The following CDH12 variants were observed in gnomAD, a reference collection of about 807,000 sequenced individuals.
CDH12 encodes cadherin 12.
A neutral mutation model predicts 74.1 loss-of-function variants in CDH12; 41 were observed. That is an observed-to-expected ratio of 0.55 (90% CI 0.43 to 0.72). The LOEUF (loss-of-function observed/expected upper bound fraction) is 0.72. CDH12 is among the 30% of genes least tolerant of loss of function. CDH12 has a pLI of 0.00. For missense variants in CDH12, 945 were observed against 977.2 expected (o/e 0.97, Z 0.44); for synonymous variants, 399 against 355.0 (o/e 1.12, Z -1.39).
At chr5:22,510,883 G>C (rs546998868) in intron 1 of CDH12, among the ~76,000 whole-genome samples, 32 of 150,998 alleles carry the variant, frequency 2.1e-4, no homozygotes, top group African/African-American at 7.8e-4. Flanking sequence ...TAAAAGTCAA[G>C]AACATATATA....
chr5:22,244,202 A>T (rs867455462), intron 3 of CDH12, among the ~76,000 whole-genome samples: 2 of 152,128 alleles, frequency 1.3e-5, no homozygotes, highest in South Asian at 4.1e-4. Context: ...AAAATAATCT[A>T]TAGCAGGCCA....
intron 3 of CDH12, among the ~76,000 whole-genome samples, chr5:22,225,765 C>A (rs1454701847): frequency 6.6e-6 from 1 of 151,992 alleles, no homozygotes; most frequent in Non-Finnish European, 1.5e-5. Context: ...AAAAGTTGGG[C>A]CTTTTTCTCT....
chr5:22,134,871 TGTCAGA>T (rs1186552794), intron 4 of CDH12, among the ~76,000 whole-genome samples: 1 of 151,406 alleles, frequency 6.6e-6, no homozygotes, highest in Non-Finnish European at 1.5e-5. Context: ...GCAAGTTGGC[TGTCAGA>T]GTCAAACCTC....
intron 3 of CDH12, among the ~76,000 whole-genome samples, chr5:22,235,862 T>C (rs1752541888): frequency 6.6e-6 from 1 of 152,194 alleles, no homozygotes; most frequent in Admixed American, 6.5e-5. Flanking sequence ...AACATCACAG[T>C]GTGCACCACA....
At chr5:22,811,062 C>T (rs980289876) in intron 1 of CDH12, among the ~76,000 whole-genome samples, 2 of 151,034 alleles carry the variant, frequency 1.3e-5, no homozygotes, top group African/African-American at 2.4e-5. Flanking sequence ...CACATATATA[C>T]GTATATGTAT....
In CDH12 at chr5:21,764,964, T is replaced by A; in HGVS notation, c.1515+14A>T. On this transcript the variant is annotated intron_variant, in intron 12 of 14. Transcript: ENST00000382254. ...GGGTCTTTATACACTCAAGGAACAA[T>A]ATTTATAAGATACCTGTCCTGGCTT... is the stretch of plus-strand genomic sequence containing the variant. The A allele has an allele frequency of 7.4e-6, 12 of 1,613,470 alleles. No homozygotes were observed. Among genetic ancestry groups the A allele is most frequent in the Non-Finnish European group, 1.0e-5 (12 of 1,179,570 alleles).
At chr5:22,165,592 T>A (rs1033232689) in intron 4 of CDH12, among the ~76,000 whole-genome samples, 1 of 152,136 alleles carries the variant, frequency 6.6e-6, no homozygotes. Flanking sequence ...TTTCCTTATG[T>A]CAGAGGCCTT....
chr5:22,417,915 T>C lies in CDH12; in HGVS notation c.-427-12564A>G, dbSNP rs113638011. Among the ~76,000 whole-genome samples the C allele has an allele frequency of 3.1e-3, 476 of 152,330 alleles. 6 individuals are homozygous for C. Among genetic ancestry groups the C allele is most frequent in the African/African-American group, 0.011 (459 of 41,572 alleles). ...ATAGATCTGTTGCTATTCATGGTTTTGGGATACCATACATGGGTTACCTGG... is the reference window on the plus strand; with the variant it reads ...ATAGATCTGTTGCTATTCATGGTTTCGGGATACCATACATGGGTTACCTGG... On this transcript the variant is annotated intron_variant, in intron 2 of 14. Coordinates refer to ENST00000382254, the MANE Select transcript of CDH12 (RefSeq NM_004061.5).
intron 12 of CDH12, among the ~76,000 whole-genome samples, chr5:21,761,066 G>A (rs1441304779): frequency 6.6e-6 from 1 of 152,094 alleles, no homozygotes; most frequent in East Asian, 1.9e-4. Flanking sequence ...AAAAGCCCTT[G>A]TGATAGCAAA....
chr5:22,698,500 A>G (rs1260140463), intron 1 of CDH12, among the ~76,000 whole-genome samples: 2 of 151,350 alleles, frequency 1.3e-5, no homozygotes, highest in Non-Finnish European at 2.9e-5. Flanking sequence ...GAAGCTCGTT[A>G]AAGCCTGAAA....
chr5:21,764,664 A>AAAAAAG (rs1554027689), intron 12 of CDH12, among the ~76,000 whole-genome samples: 19 of 150,962 alleles, frequency 1.3e-4, no homozygotes, highest in South Asian at 6.2e-4. Flanking sequence ...AAAAAAAAAA[A>AAAAAAG]AAAAGAAAAG....
Position 22,070,196 on chromosome 5 carries a change from C to T in CDH12, c.231+8250G>A, listed in dbSNP as rs377584331. 6.6e-5 allele frequency among the ~76,000 whole-genome samples: 10 copies of T among 152,118 alleles called. No individual in the cohort carries two copies. In the East Asian group the frequency reaches 1.2e-3, roughly 18 times the overall value. On this transcript the variant is annotated intron_variant, in intron 5 of 14. Transcript: ENST00000382254. Reference sequence around the variant, plus strand: ...AAATCGTTAATTTTACACCAAGTTGCGGGACATCAAGATGAGTAAACCCAA... The same window carrying T: ...AAATCGTTAATTTTACACCAAGTTGTGGGACATCAAGATGAGTAAACCCAA...
At chr5:21,832,778 TAA>T (rs1491448098) in intron 8 of CDH12, among the ~76,000 whole-genome samples, 2 of 120,896 alleles carry the variant, frequency 1.7e-5, no homozygotes, top group Middle Eastern at 4.9e-3. Flanking sequence ...TATATTATAT[TAA>T]TATATATCAT....
At chr5:21,807,686 A>T (rs16888362) in intron 9 of CDH12, among the ~76,000 whole-genome samples, 1,719 of 152,188 alleles carry the variant, frequency 0.011, 26 homozygotes, top group African/African-American at 0.039. Context: ...GGAATTTGAA[A>T]AAATGATAGC....
chr5:21,932,780 T>C (rs1754902297), intron 6 of CDH12, among the ~76,000 whole-genome samples: 1 of 150,732 alleles, frequency 6.6e-6, no homozygotes, highest in African/African-American at 2.4e-5. Flanking sequence ...ATGCATGTAG[T>C]CCCATCCTGG....
At chr5:21,780,394 A>G (rs1745838629) in intron 11 of CDH12, among the ~76,000 whole-genome samples, 1 of 152,204 alleles carries the variant, frequency 6.6e-6, no homozygotes, top group East Asian at 1.9e-4. Flanking sequence ...CCTTATCGTT[A>G]TGAGTGTCTT....
At chr5:22,794,332 C>A (rs1748079374) in intron 1 of CDH12, among the ~76,000 whole-genome samples, 2 of 152,084 alleles carry the variant, frequency 1.3e-5, no homozygotes. Flanking sequence ...GAAAAGAGTC[C>A]ACTGGATTTT....
At chr5:22,435,208 A>G (rs1744328710) in intron 2 of CDH12, among the ~76,000 whole-genome samples, 1 of 152,070 alleles carries the variant, frequency 6.6e-6, no homozygotes, top group Non-Finnish European at 1.5e-5. Context: ...AAATGTGAAA[A>G]GGCTACACTG....
Position 22,308,809 on chromosome 5 carries a change from A to AACACATACACAC in CDH12, c.-332-96167_-332-96166insGTGTGTATGTGT, listed in dbSNP as rs1554030189. On this transcript the variant is annotated intron_variant, in intron 3 of 14. Coordinates refer to ENST00000382254, the MANE Select transcript of CDH12 (RefSeq NM_004061.5). The stretch of plus-strand genomic sequence containing the variant: ...CAATGCCCACAAGGGCAAATACACA[A>AACACATACACAC]ACACACACACACACACACACACACA... Among the ~76,000 whole-genome samples the AACACATACACAC allele has an allele frequency of 1.4e-3, 121 of 85,376 alleles. 1 individual carries two copies. The highest frequency in any genetic ancestry group is 2.0e-3 in the Non-Finnish European group (77 of 38,998). 56.0% of individuals were successfully genotyped at this position (85,376 alleles called of 152,430 possible).
Sources: gnomAD v4.1 joint callset for allele counts (sites outside exome capture counted in the v4.1 genomes callset) on GRCh38, gnomAD v4.1.1 for gene constraint, MANE v1.5 for transcripts, NCBI Gene and HGNC (gene_info 2026-07-23, HGNC 2026-07-21) for gene names.